PSMA1: variants seen among roughly 807,000 people sequenced by gnomAD.
PSMA1 encodes proteasome 20S subunit alpha 1, also known as proteasome subunit alpha type-1.
Under a neutral mutation model 38.4 loss-of-function variants are expected in PSMA1, and 3 were observed. The observed-to-expected ratio is 0.08, with a 90% CI of 0.04 to 0.20. PSMA1 has a LOEUF of 0.20. PSMA1 is among the 10% of genes least tolerant of loss of function. The probability of loss-of-function intolerance (pLI) is 1.00; values close to 1 mark genes in which losing one functional copy is unlikely to be tolerated. For synonymous variants in PSMA1, 101 were observed against 107.1 expected, an observed-to-expected ratio of 0.94 and a Z score of 0.35; for missense variants, 227 against 325.3, an observed-to-expected ratio of 0.70 and a Z score of 2.32.
At chr11:14,508,562 A>AAAAAAAAAAAAAC (rs997811465) in intron 8 of PSMA1, among the ~76,000 whole-genome samples, 2 of 32,096 alleles carry the variant, frequency 6.2e-5, no homozygotes, top group East Asian at 7.4e-4. Flanking sequence ...ACTCCATCTC[A>AAAAAAAAAAAAAC]AAAAAAAAAA....
chr11:14,618,977 T>G (rs553947006), intron 1 of PSMA1, among the ~76,000 whole-genome samples: 13 of 152,338 alleles, frequency 8.5e-5, no homozygotes, highest in African/African-American at 2.9e-4. Context: ...GCTGGTATAT[T>G]TCTGCCTCCA....
At chr11:14,517,838 A>G (rs373284785) in intron 3 of PSMA1, 42 bp downstream of exon 3, 1 of 1,535,218 alleles carries the variant, frequency 6.5e-7, no homozygotes, top group African/African-American at 1.4e-5. Flanking sequence ...TGAAATTTAC[A>G]TTGTTTTCTA....
At chr11:14,507,832 T>C in intron 8 of PSMA1, 66 bp from the exon 9 acceptor site, 1 of 1,075,328 alleles carries the variant, frequency 9.3e-7, no homozygotes, top group Non-Finnish European at 1.4e-6. Context: ...TACGATAAAA[T>C]ATTGGGTGAA....
chr11:14,548,766 C>G (rs1851854866), intron 2 of PSMA1, among the ~76,000 whole-genome samples: 1 of 152,150 alleles, frequency 6.6e-6, no homozygotes, highest in Non-Finnish European at 1.5e-5. Context: ...TAATTCGCAT[C>G]TTAAGCCACA....
intron 7 of PSMA1, 114 bp downstream of exon 7, chr11:14,513,456 A>G: frequency 1.7e-6 from 2 of 1,159,594 alleles, no homozygotes; most frequent in Non-Finnish European, 2.2e-6. Flanking sequence ...TTTTTTTTAA[A>G]AAAATTCTTT....
At chr11:14,577,945 A>G (rs1019047376) in intron 2 of PSMA1, among the ~76,000 whole-genome samples, 5 of 152,206 alleles carry the variant, frequency 3.3e-5, no homozygotes, top group Non-Finnish European at 4.4e-5. Context: ...CATGATTTGC[A>G]TATTCACTCA....
intron 2 of PSMA1, among the ~76,000 whole-genome samples, chr11:14,595,576 C>G (rs1425551911): frequency 2.0e-5 from 3 of 152,186 alleles, no homozygotes; most frequent in African/African-American, 7.2e-5. Flanking sequence ...TGTTCATATC[C>G]TTTACCCACT....
chr11:14,564,192 C>T (rs1179063610), intron 2 of PSMA1, among the ~76,000 whole-genome samples: 1 of 152,138 alleles, frequency 6.6e-6, no homozygotes, highest in Non-Finnish European at 1.5e-5. Context: ...TACCCACCAT[C>T]CTCCTACCCC....
chr11:14,610,169 T>C (rs1852692776), intron 2 of PSMA1, among the ~76,000 whole-genome samples: 1 of 152,208 alleles, frequency 6.6e-6, no homozygotes, highest in Non-Finnish European at 1.5e-5. Context: ...GAGCGGCATT[T>C]GCAACACCTC....
intron 1 of PSMA1, among the ~76,000 whole-genome samples, chr11:14,637,181 C>A (rs1039563553): frequency 6.6e-6 from 1 of 152,158 alleles, no homozygotes; most frequent in Non-Finnish European, 1.5e-5. Flanking sequence ...TTCCCTCCCC[C>A]ACAAATCATA....
chr11:14,592,167 C>T (rs981038305), intron 2 of PSMA1, among the ~76,000 whole-genome samples: 9 of 152,210 alleles, frequency 5.9e-5, no homozygotes, highest in South Asian at 4.1e-4. Flanking sequence ...TCAGAAGGAA[C>T]AAACTCCAGA....
intron 1 of PSMA1, among the ~76,000 whole-genome samples, chr11:14,629,545 G>C (rs1426537317): frequency 6.6e-6 from 1 of 152,086 alleles, no homozygotes; most frequent in African/African-American, 2.4e-5. Context: ...TTTGGTACCA[G>C]TACCATGCTG....
intron 2 of PSMA1, among the ~76,000 whole-genome samples, chr11:14,543,118 A>C (rs1851790647): frequency 6.6e-6 from 1 of 152,216 alleles, no homozygotes. Flanking sequence ...AGCGTGAGCC[A>C]CTGTGCCCTG....
Position 14,520,316 on chromosome 11 carries a change from T to C in PSMA1, c.-17A>G, listed in dbSNP as rs569879946. 7.4e-6 allele frequency: 12 copies of C among 1,614,146 alleles called. No homozygotes were observed. Among genetic ancestry groups the C allele is most frequent in the African/African-American group, 1.3e-5 (1 of 75,034 alleles). On this transcript the variant is annotated 5_prime_UTR_variant, in exon 1 of 10. Transcript: ENST00000396394. ...ACGTACCATGGTGGCGGCGCGGGCCTGGTTGCGGCCTCCAGCAAAACTGAG... is the reference window on the plus strand; with the variant it reads ...ACGTACCATGGTGGCGGCGCGGGCCCGGTTGCGGCCTCCAGCAAAACTGAG...
intron 2 of PSMA1, among the ~76,000 whole-genome samples, chr11:14,585,177 A>G (rs550434653): frequency 6.6e-6 from 1 of 152,268 alleles, no homozygotes; most frequent in East Asian, 1.9e-4. Flanking sequence ...TTGTTCCTAT[A>G]CTATCCAGGC....
intron 2 of PSMA1, among the ~76,000 whole-genome samples, chr11:14,591,811 G>T (rs990811718): frequency 6.6e-6 from 1 of 152,154 alleles, no homozygotes; most frequent in African/African-American, 2.4e-5. Flanking sequence ...TGTGGGTGGG[G>T]CCAGATAAGA....
At chr11:14,579,613 T>C (rs979123274) in intron 2 of PSMA1, among the ~76,000 whole-genome samples, 1 of 151,522 alleles carries the variant, frequency 6.6e-6, no homozygotes, top group African/African-American at 2.4e-5. Flanking sequence ...ATAATATAAA[T>C]GCAGATTTTG....
chr11:14,546,501 G>C (rs536725061), intron 2 of PSMA1, among the ~76,000 whole-genome samples: 2 of 152,112 alleles, frequency 1.3e-5, no homozygotes, highest in African/African-American at 4.8e-5. Flanking sequence ...ACAATGGCAC[G>C]ATCTCGGCTC....
chr11:14,571,688 T>C (rs1413802258), intron 2 of PSMA1, among the ~76,000 whole-genome samples: 3 of 152,160 alleles, frequency 2.0e-5, no homozygotes, highest in Non-Finnish European at 4.4e-5. Context: ...GTAAATGAGT[T>C]AAATGCTCCA....
Sources: gnomAD v4.1 joint callset for allele counts (sites outside exome capture counted in the v4.1 genomes callset) on GRCh38, gnomAD v4.1.1 for gene constraint, MANE v1.5 for transcripts, NCBI Gene and HGNC (gene_info 2026-07-23, HGNC 2026-07-21) for gene names.